Variants in SAMD3 observed in about 807,000 individuals in gnomAD.
The protein encoded by SAMD3 is sterile alpha motif domain containing 3, also known as sterile alpha motif domain-containing protein 3.
A neutral mutation model predicts 58.5 loss-of-function variants in SAMD3; 63 were observed. The ratio of observed to expected loss-of-function variants is 1.08; its 90% CI spans 0.88 to 1.33. The LOEUF (loss-of-function observed/expected upper bound fraction) is 1.33, where lower values mean the gene tolerates loss of function less well. Among genes scored for constraint, SAMD3 ranks in the 40% most tolerant of loss-of-function variants. The probability of loss-of-function intolerance (pLI) is 0.00; values close to 1 mark genes in which losing one functional copy is unlikely to be tolerated. For synonymous variants in SAMD3, 220 were observed against 210.3 expected (o/e 1.05, Z -0.40); for missense variants, 604 against 608.4 (o/e 0.99, Z 0.08).
At chr6:130,243,162 G>T (rs1333674790) in intron 2 of SAMD3, among the ~76,000 whole-genome samples, 2 of 152,184 alleles carry the variant, frequency 1.3e-5, no homozygotes, top group African/African-American at 4.8e-5. Context: ...ACAAGTGCTT[G>T]TCAATTATGT....
rs567846762 is a variant in SAMD3, at chr6:130,205,688, A to G, written c.383+3807T>C. 3.9e-4 allele frequency among the ~76,000 whole-genome samples: 60 copies of G among 152,314 alleles called. 1 individual carries two copies. Among genetic ancestry groups the G allele is most frequent in the African/African-American group, 1.4e-3 (59 of 41,556 alleles). On this transcript the variant is annotated intron_variant, in intron 5 of 11. Coordinates refer to ENST00000439090, the MANE Select transcript of SAMD3 (RefSeq NM_001017373.4). ...TGGGTTTACAACAGCAAGAAAAAAC[A>G]TGGTCATTGTCCTTGAAGCACTTAT...
intron 1 of SAMD3, among the ~76,000 whole-genome samples, chr6:130,323,275 T>C (rs1384358901): frequency 6.6e-6 from 1 of 152,120 alleles, no homozygotes; most frequent in Non-Finnish European, 1.5e-5. Flanking sequence ...AGTTCCCAGA[T>C]CCCTACTTCC....
chr6:130,294,662 C>T (rs1467750951), intron 2 of SAMD3, among the ~76,000 whole-genome samples: 1 of 149,514 alleles, frequency 6.7e-6, no homozygotes, highest in Non-Finnish European at 1.5e-5. Flanking sequence ...GTTAGAATGA[C>T]CTCAAAATTA....
At chr6:130,318,130 G>A (rs1207323194) in intron 1 of SAMD3, among the ~76,000 whole-genome samples, 1 of 152,148 alleles carries the variant, frequency 6.6e-6, no homozygotes, top group Non-Finnish European at 1.5e-5. Flanking sequence ...AGCTCACATG[G>A]AGCCGCAACT....
intron 4 of SAMD3, 117 bp from the exon 5 acceptor site, chr6:130,209,725 C>T (rs1292711171): frequency 1.7e-6 from 1 of 597,530 alleles, no homozygotes; most frequent in Admixed American, 3.1e-5. Context: ...GTCCACTTCC[C>T]AGTTCCACGT....
chr6:130,190,620 A>G (rs1033428708), intron 5 of SAMD3, among the ~76,000 whole-genome samples: 8 of 152,206 alleles, frequency 5.3e-5, no homozygotes, highest in African/African-American at 1.9e-4. Flanking sequence ...ATTGAATTTG[A>G]AGACAGATCA....
At chr6:130,339,592 C>T (rs1562529999) in intron 1 of SAMD3, among the ~76,000 whole-genome samples, 1 of 152,140 alleles carries the variant, frequency 6.6e-6, no homozygotes, top group African/African-American at 2.4e-5. Flanking sequence ...CTGAGGCCTC[C>T]CCAGCCATGC....
rs143132641 is a variant in SAMD3, at chr6:130,231,757, T to A, written c.-187-8944A>T. On this transcript the variant is annotated intron_variant, in intron 2 of 13. Coordinates refer to the SAMD3 transcript ENST00000368134. ...GGTGGCTCATAGGTAGTTCAAGGAT[T>A]ATTTCCTTGAGCAATCAGGAATATT... Among the ~76,000 whole-genome samples, 32 of 152,302 alleles carry A rather than the reference T, an allele frequency of 2.1e-4. 1 individual carries two copies. The East Asian group carries it at 6.2e-3, about 29-fold the overall frequency.
chr6:130,276,402 T>A (rs948509504), intron 2 of SAMD3, among the ~76,000 whole-genome samples: 2 of 152,168 alleles, frequency 1.3e-5, no homozygotes, highest in Admixed American at 1.3e-4. Context: ...TTTAATCAGT[T>A]TACTAAGGTC....
chr6:130,344,937 C>A (rs1055538526), intron 1 of SAMD3, among the ~76,000 whole-genome samples: 3 of 151,774 alleles, frequency 2.0e-5, no homozygotes, highest in South Asian at 2.1e-4. Flanking sequence ...TGCCCACCCC[C>A]CTCCATCTCC....
intron 2 of SAMD3, among the ~76,000 whole-genome samples, chr6:130,278,757 C>T (rs12197027): frequency 0.31 from 47,251 of 151,978 alleles, 7,725 homozygotes; most frequent in East Asian, 0.47. Context: ...TATTTTCCTG[C>T]ACAATAAGGA....
Position 130,183,829 on chromosome 6 carries a change from GAGAA to G in SAMD3, c.654+270_654+273del, listed in dbSNP as rs368938925. Among the ~76,000 whole-genome samples the G allele has an allele frequency of 3.7e-3, 562 of 152,232 alleles. 5 individuals carry two copies. The highest frequency in any genetic ancestry group is 0.013 in the African/African-American group (533 of 41,536). On this transcript the variant is annotated intron_variant, in intron 7 of 11. Coordinates refer to ENST00000439090, the MANE Select transcript of SAMD3 (RefSeq NM_001017373.4). Reference sequence around the variant, plus strand: ...AAAAGGGAAGACAAGGAGACAGAGAGAGAAAGAGAGAGAGCCAGAGAGAGAGAGA... The same window carrying G: ...AAAAGGGAAGACAAGGAGACAGAGAGAGAGAGAGAGCCAGAGAGAGAGAGA...
intron 7 of SAMD3, among the ~76,000 whole-genome samples, chr6:130,178,860 T>A (rs1243796211): frequency 6.6e-6 from 1 of 152,190 alleles, no homozygotes; most frequent in Non-Finnish European, 1.5e-5. Context: ...GGAGTATGGC[T>A]TCAGCACTGA....
At chr6:130,270,537 A>G (rs1487272250) in intron 2 of SAMD3, among the ~76,000 whole-genome samples, 1 of 152,236 alleles carries the variant, frequency 6.6e-6, no homozygotes, top group African/African-American at 2.4e-5. Context: ...GACTTTAGGT[A>G]AAAGGGTTAA....
intron 5 of SAMD3, among the ~76,000 whole-genome samples, chr6:130,205,334 C>T (rs996807620): frequency 6.6e-6 from 1 of 151,788 alleles, no homozygotes; most frequent in Non-Finnish European, 1.5e-5. Flanking sequence ...GACAGAGTCT[C>T]ACTATGTCAC....
rs151178480 is a variant in SAMD3, at chr6:130,347,697, C to T, written c.-304+17423G>A. 7.1e-3 allele frequency among the ~76,000 whole-genome samples: 1,079 copies of T among 152,026 alleles called. 12 individuals are homozygous for T. The highest frequency in any genetic ancestry group is 0.017 in the Middle Eastern group (5 of 294). ...AACTTCCCCAATCTAGTAAGGCAGG[C>T]CAATATTCAAATTCAGGAAATACAG... On this transcript the variant is annotated intron_variant, in intron 1 of 13. Coordinates refer to the SAMD3 transcript ENST00000368134.
intron 8 of SAMD3, among the ~76,000 whole-genome samples, chr6:130,169,825 C>T (rs965775492): frequency 1.3e-5 from 2 of 152,236 alleles, no homozygotes; most frequent in African/African-American, 4.8e-5. Context: ...TCTTATCCCG[C>T]GGACTGACCC....
intron 9 of SAMD3, among the ~76,000 whole-genome samples, chr6:130,150,018 A>G (rs1001644251): frequency 7.2e-5 from 11 of 152,132 alleles, no homozygotes; most frequent in East Asian, 1.9e-4. Context: ...TCATTTTCCA[A>G]TATGCTTTTA....
At chr6:130,178,402 C>A in intron 7 of SAMD3, among the ~76,000 whole-genome samples, 1 of 151,144 alleles carries the variant, frequency 6.6e-6, no homozygotes, top group East Asian at 1.9e-4. Context: ...AAAACCCCTG[C>A]AGGCATATGG....
Sources: gnomAD v4.1 joint callset for allele counts (sites outside exome capture counted in the v4.1 genomes callset) on GRCh38, gnomAD v4.1.1 for gene constraint, MANE v1.5 for transcripts, NCBI Gene and HGNC (gene_info 2026-07-23, HGNC 2026-07-21) for gene names.